Variants in PTPRT observed in about 807,000 individuals in gnomAD.
PTPRT encodes the protein protein tyrosine phosphatase receptor type T.
PTPRT carries 56 observed loss-of-function variants against 176.8 expected under a neutral mutation model. The observed-to-expected ratio is 0.32, with a 90% confidence interval of 0.26 to 0.40. The LOEUF is 0.40. PTPRT is among the 10% of genes least tolerant of loss of function. PTPRT has a pLI of 1.00. For synonymous variants in PTPRT, 783 were observed against 739.0 expected, an observed-to-expected ratio of 1.06 and a Z score of -0.96; for missense variants, 1,540 against 1,908.2, an observed-to-expected ratio of 0.81 and a Z score of 3.60.
intron 13 of PTPRT, among the ~76,000 whole-genome samples, chr20:42,269,773 G>A (rs1019001215): frequency 6.6e-6 from 1 of 152,228 alleles, no homozygotes; most frequent in Non-Finnish European, 1.5e-5. Context: ...GCCCCATAAG[G>A]GGTAGGTGGG....
intron 11 of PTPRT, among the ~76,000 whole-genome samples, chr20:42,329,211 A>G (rs2057929193): frequency 6.6e-6 from 1 of 152,162 alleles, no homozygotes; most frequent in Non-Finnish European, 1.5e-5. Context: ...GTTAATACAT[A>G]TAGTCATTTT....
At chr20:43,115,721 C>T (rs1036730541) in intron 1 of PTPRT, among the ~76,000 whole-genome samples, 3 of 152,174 alleles carry the variant, frequency 2.0e-5, no homozygotes, top group Admixed American at 6.5e-5. Context: ...GAAACACTGC[C>T]GTGGAGTGAC....
chr20:42,149,826 T>C (rs1989044464), intron 17 of PTPRT, among the ~76,000 whole-genome samples: 1 of 152,166 alleles, frequency 6.6e-6, no homozygotes, highest in Admixed American at 6.5e-5. Context: ...TGATATGCTT[T>C]ATAGATTTTA....
chr20:43,078,668 G>A (rs1481403496), intron 1 of PTPRT, among the ~76,000 whole-genome samples: 1 of 152,218 alleles, frequency 6.6e-6, no homozygotes, highest in Non-Finnish European at 1.5e-5. Context: ...TCCACTTAGA[G>A]ATGATAAATA....
At chr20:42,266,414 C>T (rs2056839495) in intron 13 of PTPRT, among the ~76,000 whole-genome samples, 1 of 152,080 alleles carries the variant, frequency 6.6e-6, no homozygotes, top group African/African-American at 2.4e-5. Context: ...AGGCCACCCC[C>T]TTGAGGCCTG....
At chr20:42,640,362 T>G (rs571417005) in intron 7 of PTPRT, among the ~76,000 whole-genome samples, 4 of 152,164 alleles carry the variant, frequency 2.6e-5, no homozygotes, top group South Asian at 4.2e-4. Flanking sequence ...CTTCATTCAC[T>G]GGGCACCAAT....
chr20:42,127,295 G>A (rs1426543023), intron 19 of PTPRT, among the ~76,000 whole-genome samples: 1 of 152,172 alleles, frequency 6.6e-6, no homozygotes, highest in Non-Finnish European at 1.5e-5. Flanking sequence ...CACAGACAGG[G>A]TACAGCCACT....
intron 6 of PTPRT, among the ~76,000 whole-genome samples, chr20:42,701,918 A>T (rs2075979205): frequency 6.6e-6 from 1 of 152,132 alleles, no homozygotes; most frequent in Non-Finnish European, 1.5e-5. Context: ...AGATACGAGC[A>T]CTGAGATTCA....
intron 1 of PTPRT, among the ~76,000 whole-genome samples, chr20:42,981,136 A>G (rs191572349): frequency 6.6e-6 from 1 of 152,212 alleles, no homozygotes; most frequent in African/African-American, 2.4e-5. Context: ...ACCTGATTAC[A>G]ATGGTCTTGA....
chr20:42,821,388 C>G (rs912594042), intron 2 of PTPRT, among the ~76,000 whole-genome samples: 1 of 152,010 alleles, frequency 6.6e-6, no homozygotes, highest in Non-Finnish European at 1.5e-5. Flanking sequence ...CTCTCAATAA[C>G]CTTGGTAGTG....
At chr20:42,813,233 G>A (rs4812655) in intron 2 of PTPRT, among the ~76,000 whole-genome samples, 15,261 of 151,864 alleles carry the variant, frequency 0.1, 1,055 homozygotes, top group East Asian at 0.35. Flanking sequence ...CTGAACCCTC[G>A]CTTTATTGAC....
intron 9 of PTPRT, among the ~76,000 whole-genome samples, chr20:42,447,519 G>A (rs985126549): frequency 6.6e-6 from 1 of 152,026 alleles, no homozygotes; most frequent in Non-Finnish European, 1.5e-5. Context: ...AACCTTACTC[G>A]TATTGCAATA....
chr20:42,546,006 A>G lies in PTPRT; in HGVS notation c.1154-73444T>C. 2.6e-5 allele frequency among the ~76,000 whole-genome samples: 4 copies of G among 152,270 alleles called. 1 individual carries two copies. The South Asian group carries it at 8.3e-4, about 32-fold the overall frequency. ...TAAATAGTTATACATAATATTTCTT[A>G]TATCTCTTTCAATACATACAAATAC... On this transcript the variant is annotated intron_variant, in intron 7 of 30. Transcript: ENST00000373187.
chr20:42,927,582 G>C (rs1221390651), intron 1 of PTPRT, among the ~76,000 whole-genome samples: 1 of 151,424 alleles, frequency 6.6e-6, no homozygotes, highest in Admixed American at 6.6e-5. Context: ...AGAAAAGCAA[G>C]AAAGAAAAGA....
chr20:43,094,736 C>T (rs2012055425), intron 1 of PTPRT, among the ~76,000 whole-genome samples: 1 of 152,106 alleles, frequency 6.6e-6, no homozygotes, highest in African/African-American at 2.4e-5. Flanking sequence ...TATTGTTTGG[C>T]TTCCCTGTTA....
At chr20:42,229,590 G>A (rs2056092509) in intron 15 of PTPRT, among the ~76,000 whole-genome samples, 1 of 152,216 alleles carries the variant, frequency 6.6e-6, no homozygotes, top group Non-Finnish European at 1.5e-5. Flanking sequence ...AAAGGCATTT[G>A]CCTTTGAAGA....
At chr20:42,674,215 T>C (rs1448094473) in intron 7 of PTPRT, among the ~76,000 whole-genome samples, 1 of 152,212 alleles carries the variant, frequency 6.6e-6, no homozygotes, top group African/African-American at 2.4e-5. Flanking sequence ...GAAGGAAGAT[T>C]ATCTTCTTGA....
intron 2 of PTPRT, among the ~76,000 whole-genome samples, chr20:42,866,048 C>T (rs1395638621): frequency 6.6e-6 from 1 of 152,158 alleles, no homozygotes; most frequent in Non-Finnish European, 1.5e-5. Context: ...ACTAAAATTG[C>T]CTGCTGTTTC....
chr20:43,047,171 T>C (rs1192085799), intron 1 of PTPRT, among the ~76,000 whole-genome samples: 1 of 151,986 alleles, frequency 6.6e-6, no homozygotes, highest in Non-Finnish European at 1.5e-5. Context: ...TGCCTGATGC[T>C]TCTCATGTTT....
Sources: allele counts gnomAD v4.1 joint callset (sites outside exome capture counted in the v4.1 genomes callset), GRCh38; gene constraint gnomAD v4.1.1; transcripts MANE v1.5; gene names NCBI Gene and HGNC (gene_info 2026-07-23, HGNC 2026-07-21).